The following RRAS2 variants were observed in gnomAD, a reference collection of about 807,000 sequenced individuals.
RRAS2 encodes the protein ras-related protein R-Ras2.
Under a neutral mutation model 27.6 loss-of-function variants are expected in RRAS2, and 7 were observed. That is an observed-to-expected ratio of 0.25 (90% CI 0.14 to 0.48). RRAS2 has a LOEUF of 0.48. Ranked by LOEUF, RRAS2 falls within the 20% of genes least tolerant of loss-of-function variation. The probability of loss-of-function intolerance (pLI) is 0.99; values close to 1 mark genes in which losing one functional copy is unlikely to be tolerated. For missense variants in RRAS2, 178 were observed against 256.2 expected (o/e 0.69, Z 2.08); for synonymous variants, 86 against 90.9 (o/e 0.95, Z 0.31).
chr11:14,302,886 G>A (rs1229718025), intron 1 of RRAS2, among the ~76,000 whole-genome samples: 1 of 152,172 alleles, frequency 6.6e-6, no homozygotes, highest in African/African-American at 2.4e-5. Context: ...GCCAGCTGTG[G>A]GAAACTAGAG....
In RRAS2 at chr11:14,279,327, T is replaced by G. The variant is rs557395756; in HGVS notation, c.*10A>C. 6 of 1,589,364 alleles carry G rather than the reference T, an allele frequency of 3.8e-6. No homozygotes were observed. In the African/African-American group the frequency reaches 6.7e-5, roughly 18 times the overall value. ...TTTCCTGGCCGTTGGTAGCTAAAAC[T>G]GAAGGGATTCTAGAAAATGACACAA... On this transcript the variant is annotated 3_prime_UTR_variant, in exon 6 of 6. Coordinates refer to ENST00000256196, the MANE Select transcript of RRAS2 (RefSeq NM_012250.6).
intron 1 of RRAS2, among the ~76,000 whole-genome samples, chr11:14,343,913 G>A (rs1554953693): frequency 6.6e-6 from 1 of 151,568 alleles, no homozygotes. Context: ...GGCCAAGGTG[G>A]GCAGATCACT....
chr11:14,350,061 C>T (rs1010367391), intron 1 of RRAS2, among the ~76,000 whole-genome samples: 1 of 152,220 alleles, frequency 6.6e-6, no homozygotes, highest in East Asian at 1.9e-4. Flanking sequence ...TCAATCTTAT[C>T]AACCTCCAAT....
At position 14,358,891 on chromosome 11, in the gene RRAS2, C is replaced by T. The variant is rs574297460; in HGVS notation, c.-21G>A. On this transcript the variant is annotated 5_prime_UTR_variant, in exon 1 of 6. Coordinates refer to ENST00000256196, the MANE Select transcript of RRAS2 (RefSeq NM_012250.6). This position sits in a 1 kb window ranked among gnomAD's most constrained non-coding sequence, Gnocchi z 5.1. ...GCCATGGGGACGCTACAGAGCCCAGCCTGACTGCGCCGAGCCGCCGCTGCC... is the reference window on the plus strand; with the variant it reads ...GCCATGGGGACGCTACAGAGCCCAGTCTGACTGCGCCGAGCCGCCGCTGCC... The T allele has an allele frequency of 1.9e-4, 256 of 1,375,432 alleles. 3 individuals are homozygous for T. In the South Asian group the frequency reaches 3.6e-3, roughly 19 times the overall value. The allele number at this position is 1,375,432 out of a possible 1,614,324, so 85.2% of individuals were successfully genotyped here. A position where few individuals can be genotyped will look rare whatever the true frequency, so the allele number is the denominator to read the frequency against.
chr11:14,287,590 G>C (rs1849696596), intron 4 of RRAS2, among the ~76,000 whole-genome samples: 1 of 152,078 alleles, frequency 6.6e-6, no homozygotes, highest in Non-Finnish European at 1.5e-5. Context: ...AAAAAAGTTA[G>C]GCCAGGCATG....
chr11:14,295,029 T>C (rs1591449731), intron 2 of RRAS2, among the ~76,000 whole-genome samples, 167 bp from the exon 3 acceptor site: 1 of 152,184 alleles, frequency 6.6e-6, no homozygotes, highest in East Asian at 1.9e-4. Flanking sequence ...GCAAATATAT[T>C]CTAATGGCAG....
intron 1 of RRAS2, among the ~76,000 whole-genome samples, chr11:14,329,119 AT>A (rs1342868211): frequency 6.7e-6 from 1 of 149,414 alleles, no homozygotes; most frequent in Non-Finnish European, 1.5e-5. Flanking sequence ...ATATATATAT[AT>A]TTTTTTTGAG....
chr11:14,285,711 C>A (rs1849643152), intron 4 of RRAS2, among the ~76,000 whole-genome samples: 1 of 152,116 alleles, frequency 6.6e-6, no homozygotes, highest in African/African-American at 2.4e-5. Flanking sequence ...GGTAATGAAT[C>A]CTAGTTGATA....
At chr11:14,311,230 G>GCTA (rs1847957165) in intron 1 of RRAS2, among the ~76,000 whole-genome samples, 1 of 152,122 alleles carries the variant, frequency 6.6e-6, no homozygotes, top group South Asian at 2.1e-4. Flanking sequence ...CTATAATCCA[G>GCTA]CTACTCTGGA....
upstream of RRAS2, among the ~76,000 whole-genome samples, chr11:14,360,403 CT>C (rs1233124562): frequency 3.5e-3 from 528 of 149,152 alleles, 1 homozygote; most frequent in Non-Finnish European, 4.1e-3. Context: ...TTTTAAAAAT[CT>C]TTTTTTTTTC....
At chr11:14,310,597 A>T (rs16913815) in intron 1 of RRAS2, among the ~76,000 whole-genome samples, 2,187 of 152,324 alleles carry the variant, frequency 0.014, 48 homozygotes, top group African/African-American at 0.05. Context: ...AAGCACTTAC[A>T]TGACATTTAC....
chr11:14,285,973 T>C (rs1359562285), intron 4 of RRAS2, among the ~76,000 whole-genome samples: 1 of 152,238 alleles, frequency 6.6e-6, no homozygotes, highest in African/African-American at 2.4e-5. Context: ...GATGTGTGTA[T>C]TTTTCATCAA....
chr11:14,331,404 C>T (rs953852755), intron 1 of RRAS2, among the ~76,000 whole-genome samples: 1 of 151,896 alleles, frequency 6.6e-6, no homozygotes, highest in Non-Finnish European at 1.5e-5. Context: ...AATTACATTG[C>T]AAATAACATT....
chr11:14,358,927 G>A lies in RRAS2; in HGVS notation c.-57C>T. The A allele has an allele frequency of 1.6e-6, 2 of 1,225,602 alleles. No individual in the cohort carries two copies. Among genetic ancestry groups the A allele is most frequent in the Non-Finnish European group, 2.0e-6 (2 of 978,726 alleles). The allele number at this position is 1,225,602 out of a possible 1,614,324, so 75.9% of individuals were successfully genotyped here. ...CGAGCCGCCGCTGCCGCCCGCCCTA[G>A]GCCCGGCTCCGGGGACGTGTGCGGC... On this transcript the variant is annotated 5_prime_UTR_variant, in exon 1 of 6. Coordinates refer to ENST00000256196, the MANE Select transcript of RRAS2 (RefSeq NM_012250.6). The surrounding 1 kb of genome is among the most constrained non-coding windows in gnomAD (Gnocchi z 5.1).
intron 1 of RRAS2, among the ~76,000 whole-genome samples, chr11:14,318,170 C>G (rs1554949776): frequency 6.6e-6 from 1 of 152,016 alleles, no homozygotes; most frequent in Admixed American, 6.6e-5. Context: ...GAGTAACTAT[C>G]CTAATAAATC....
chr11:14,316,533 A>G (rs973585682), intron 1 of RRAS2, among the ~76,000 whole-genome samples: 2 of 152,196 alleles, frequency 1.3e-5, no homozygotes, highest in Non-Finnish European at 2.9e-5. Context: ...TGAGCCCAGG[A>G]GTTCAAGACT....
intron 1 of RRAS2, among the ~76,000 whole-genome samples, chr11:14,317,990 A>T (rs1848148262): frequency 1.3e-5 from 2 of 152,212 alleles, no homozygotes; most frequent in African/African-American, 4.8e-5. Flanking sequence ...TTTCTAAAAG[A>T]GAATCAGGTC....
chr11:14,351,743 A>C (rs559941706), intron 1 of RRAS2, among the ~76,000 whole-genome samples: 1 of 150,174 alleles, frequency 6.7e-6, no homozygotes, highest in African/African-American at 2.5e-5. Context: ...AAAAAAAAAA[A>C]AATTAGCCAG....
At chr11:14,294,299 T>C (rs1008721513) in intron 4 of RRAS2, among the ~76,000 whole-genome samples, 172 bp downstream of exon 4, 2 of 152,230 alleles carry the variant, frequency 1.3e-5, no homozygotes, top group Admixed American at 1.3e-4. Flanking sequence ...TTTTTATTTT[T>C]CACCCGCTGT....
Sources: allele counts gnomAD v4.1 joint callset (sites outside exome capture counted in the v4.1 genomes callset), GRCh38; gene constraint gnomAD v4.1.1; non-coding constraint Gnocchi (gnomAD v3.1); transcripts MANE v1.5; gene names NCBI Gene and HGNC (gene_info 2026-07-23, HGNC 2026-07-21).